The following SLK variants were observed in gnomAD, a reference collection of about 807,000 sequenced individuals.
The protein encoded by SLK is STE20-like serine/threonine-protein kinase.
SLK carries 67 observed loss-of-function variants against 147.7 expected under a neutral mutation model. The observed-to-expected ratio is 0.45, with a 90% CI of 0.37 to 0.56. The LOEUF is 0.56. Among genes scored for constraint, SLK ranks in the 20% least tolerant of loss-of-function variants. SLK has a pLI of 0.00. For missense variants in SLK, 1,136 were observed against 1,438.8 expected, an observed-to-expected ratio of 0.79 and a Z score of 3.41; for synonymous variants, 441 against 475.0, an observed-to-expected ratio of 0.93 and a Z score of 0.93.
chr10:104,021,407 A>G (rs890280300), intron 17 of SLK, among the ~76,000 whole-genome samples: 1 of 152,238 alleles, frequency 6.6e-6, no homozygotes, highest in African/African-American at 2.4e-5. Context: ...AGTTCTTTTT[A>G]TATGGTATGT....
rs765079119 is a variant in SLK, at chr10:104,020,469, CT to C, written c.3322-12del. 2 of 1,602,540 alleles carry C rather than the reference CT, an allele frequency of 1.2e-6. No homozygotes were observed. Among genetic ancestry groups the C allele is most frequent in the Admixed American group, 3.5e-5 (2 of 57,630 alleles). The stretch of plus-strand genomic sequence containing the variant: ...CACATGCTTCTGAACTATAGTTTAT[CT>C]TTTTTTCTTATTTATAGTTTGCTGC... On this transcript the variant is annotated intron_variant, in intron 16 of 18. Transcript: ENST00000369755.
chr10:103,983,741 A>G (rs968060554), intron 1 of SLK, among the ~76,000 whole-genome samples: 1 of 151,572 alleles, frequency 6.6e-6, no homozygotes, highest in East Asian at 1.9e-4. Flanking sequence ...TAGTTTTTCC[A>G]ACACTCACAG....
In SLK at chr10:103,967,609, C is replaced by T. The variant is rs1213566986; in HGVS notation, c.-137C>T. On this transcript the variant is annotated 5_prime_UTR_variant, in exon 1 of 19. Coordinates refer to ENST00000369755, the MANE Select transcript of SLK (RefSeq NM_014720.4). The stretch of plus-strand genomic sequence containing the variant: ...CGCCCCGCCTTCTCCCGGGACCGCC[C>T]GGCCGGAGCTGCGGGGGCCGAGGGA... 4 of 440,320 alleles carry T rather than the reference C, an allele frequency of 9.1e-6. No homozygotes were observed. The highest frequency in any genetic ancestry group is 6.4e-5 in the African/African-American group (3 of 46,822). 27.3% of individuals were successfully genotyped at this position (440,320 alleles called of 1,614,324 possible). A position where few individuals can be genotyped will look rare whatever the true frequency, so the allele number is the denominator to read the frequency against.
intron 9 of SLK, among the ~76,000 whole-genome samples, chr10:104,004,585 T>C (rs805659): frequency 0.23 from 34,427 of 151,992 alleles, 4,508 homozygotes; most frequent in African/African-American, 0.36. Flanking sequence ...ATGAGGATCC[T>C]GGAAGCTTGG....
At chr10:103,996,566 T>C (rs1441891702) in intron 4 of SLK, among the ~76,000 whole-genome samples, 1 of 151,874 alleles carries the variant, frequency 6.6e-6, no homozygotes, top group Non-Finnish European at 1.5e-5. Flanking sequence ...GCCCAGCTAA[T>C]TTTTTGTATT....
At chr10:103,997,685 G>C (rs932681578) in intron 4 of SLK, among the ~76,000 whole-genome samples, 1 of 151,654 alleles carries the variant, frequency 6.6e-6, no homozygotes. Flanking sequence ...TTTAGCCTTT[G>C]TTTCTAAAGT....
At chr10:104,017,993 G>T (rs1052677973) in intron 13 of SLK, among the ~76,000 whole-genome samples, 167 bp from the exon 14 acceptor site, 19 of 152,272 alleles carry the variant, frequency 1.2e-4, no homozygotes, top group African/African-American at 4.6e-4. Context: ...ACTGAATTGG[G>T]TGACTAAATA....
chr10:103,991,887 C>G (rs1844098297), intron 2 of SLK, among the ~76,000 whole-genome samples: 2 of 151,900 alleles, frequency 1.3e-5, no homozygotes. Flanking sequence ...AACCCATAGA[C>G]TAGTTAATAA....
chr10:103,969,085 C>T (rs1843759015), intron 1 of SLK, among the ~76,000 whole-genome samples: 1 of 152,164 alleles, frequency 6.6e-6, no homozygotes, highest in Non-Finnish European at 1.5e-5. Context: ...TCTCCTGCCT[C>T]AGCCTCCCGT....
Position 103,979,560 on chromosome 10 carries a change from T to C in SLK, c.151-11115T>C, listed in dbSNP as rs1223800506. On this transcript the variant is annotated intron_variant, in intron 1 of 18. Transcript: ENST00000369755. ...TAAATTAACCTTGATAGAATCTTTT[T>C]TCTGGCCTGCTTTTTTTTGGTCTGT... Among the ~76,000 whole-genome samples, 3 of 152,244 alleles carry C rather than the reference T, an allele frequency of 2.0e-5. 1 individual carries two copies. Among genetic ancestry groups the C allele is most frequent in the Non-Finnish European group, 4.4e-5 (3 of 68,034 alleles).
intron 13 of SLK, 78 bp downstream of exon 13, chr10:104,010,986 T>C: frequency 1.2e-6 from 1 of 845,624 alleles, no homozygotes; most frequent in South Asian, 2.5e-5. Flanking sequence ...GTTGAAAGGG[T>C]AAATTTTAAG....
chr10:103,999,734 T>A (rs1844220616), intron 6 of SLK, 133 bp from the exon 7 acceptor site: 1 of 506,812 alleles, frequency 2.0e-6, no homozygotes, highest in Non-Finnish European at 3.6e-6. Flanking sequence ...AATAGTCTCA[T>A]TAACTAGTTA....
At chr10:104,005,472 AAAAG>A in intron 9 of SLK, 85 bp from the exon 10 acceptor site, 6 of 1,249,206 alleles carry the variant, frequency 4.8e-6, no homozygotes, top group South Asian at 1.5e-5. Context: ...TTTGTTTTAA[AAAAG>A]AAAGAAATGT....
At chr10:104,016,365 T>G (rs1175596287) in intron 13 of SLK, among the ~76,000 whole-genome samples, 1 of 152,088 alleles carries the variant, frequency 6.6e-6, no homozygotes, top group Non-Finnish European at 1.5e-5. Flanking sequence ...AGAAACAGTT[T>G]AATTTTGTTA....
intron 1 of SLK, among the ~76,000 whole-genome samples, chr10:103,985,050 C>T (rs1843994794): frequency 6.6e-6 from 1 of 152,098 alleles, no homozygotes; most frequent in Non-Finnish European, 1.5e-5. Flanking sequence ...GAGTACAGTA[C>T]AGTAAGATGT....
chr10:104,025,159 A>G (rs1844581641), intron 18 of SLK, among the ~76,000 whole-genome samples: 2 of 152,264 alleles, frequency 1.3e-5, no homozygotes, highest in South Asian at 2.1e-4. Flanking sequence ...ATACAGGCGC[A>G]TCGTAACTAA....
At chr10:104,001,270 G>T (rs1412989917) in intron 7 of SLK, among the ~76,000 whole-genome samples, 174 bp from the exon 8 acceptor site, 1 of 152,068 alleles carries the variant, frequency 6.6e-6, no homozygotes, top group Non-Finnish European at 1.5e-5. Context: ...CCCTGCTTTT[G>T]CTCAAGCCCT....
chr10:103,989,709 C>T (rs1208392627), intron 1 of SLK, among the ~76,000 whole-genome samples: 1 of 152,054 alleles, frequency 6.6e-6, no homozygotes, highest in Non-Finnish European at 1.5e-5. Flanking sequence ...ACTTCGTGAT[C>T]TGCCTGCCTC....
rs138865314 is a variant in SLK, at chr10:104,005,998, G to A, written c.2567G>A (p.Arg856Gln). The change falls in exon 11 of 19, where the codon CGA (arginine) becomes CAA (glutamine). Residue 856 changes from arginine (R) to glutamine (Q), a missense_variant. Arg to Gln is a conservative substitution (Grantham distance 43). Coordinates refer to ENST00000369755, the MANE Select transcript of SLK (RefSeq NM_014720.4). ...QQLNSKLQQQ[R>Q]EQIFRRFEQE... ...CTCAATAGCAAACTACAGCAACAAC[G>A]AGAACAAATTTTCCGGCGCTTTGAG... 29 of 1,612,704 alleles carry A rather than the reference G, an allele frequency of 1.8e-5. No individual in the cohort carries two copies. Among genetic ancestry groups the A allele is most frequent in the South Asian group, 3.3e-5 (3 of 90,708 alleles).
Sources: allele counts gnomAD v4.1 joint callset (sites outside exome capture counted in the v4.1 genomes callset), GRCh38; gene constraint gnomAD v4.1.1; transcripts MANE v1.5; gene names NCBI Gene and HGNC (gene_info 2026-07-23, HGNC 2026-07-21).